The following IL1RL1 variants were observed in gnomAD, a reference collection of about 807,000 sequenced individuals.
The protein encoded by IL1RL1 is interleukin 1 receptor like 1, also known as interleukin-1 receptor-like 1.
A neutral mutation model predicts 50.9 loss-of-function variants in IL1RL1; 32 were observed. The ratio of observed to expected loss-of-function variants is 0.63; its 90% CI spans 0.47 to 0.84. IL1RL1 has a LOEUF of 0.84. Ranked by LOEUF, IL1RL1 falls within the 40% of genes least tolerant of loss-of-function variation. The pLI, the probability that IL1RL1 is intolerant of heterozygous loss-of-function variation, is 0.00. For synonymous variants in IL1RL1, 275 were observed against 236.0 expected (o/e 1.17, Z -1.51); for missense variants, 773 against 662.9 (o/e 1.17, Z -1.82).
intron 8 of IL1RL1, chr2:102,345,484 A>G (rs913433214): frequency 5.5e-5 from 54 of 985,326 alleles, no homozygotes; most frequent in Non-Finnish European, 5.9e-5. Flanking sequence ...AAATAGCCAA[A>G]GAGTGTTAAA....
intron 10 of IL1RL1, among the ~76,000 whole-genome samples, chr2:102,351,111 G>T (rs1032427448): frequency 6.6e-6 from 1 of 152,304 alleles, no homozygotes; most frequent in East Asian, 1.9e-4. Flanking sequence ...GAGGGGCAAA[G>T]CTTCCTGAGT....
At chr2:102,323,273 A>ATATATATATATATAGT (rs1303334375) in intron 1 of IL1RL1, among the ~76,000 whole-genome samples, 19 of 48,496 alleles carry the variant, frequency 3.9e-4, no homozygotes, top group Non-Finnish European at 6.6e-4. Context: ...ATATATATAT[A>ATATATATATATATAGT]GTGTGTGTGT....
chr2:102,340,152 A>G lies in IL1RL1; in HGVS notation c.327A>G (p.Ser109=). The change falls in exon 4 of 11, where the codon TCA becomes TCG. Residue 109 remains serine (S), a synonymous_variant. Transcript: ENST00000233954. ...ATGTCACCATATATAAAAAACAATC[A>G]GATTGCAATGTTCCAGATTATTTGA... ...YANVTIYKKQ[S]DCNVPDYLMY... 1 of 1,588,612 alleles carries G rather than the reference A, an allele frequency of 6.3e-7. No homozygotes were observed. Among genetic ancestry groups the G allele is most frequent in the South Asian group, 1.1e-5 (1 of 87,422 alleles).
chr2:102,326,020 T>C (rs1400012960), intron 1 of IL1RL1, among the ~76,000 whole-genome samples: 1 of 152,044 alleles, frequency 6.6e-6, no homozygotes, highest in African/African-American at 2.4e-5. Context: ...AGATACTCCT[T>C]GAGAAGAGCA....
intron 1 of IL1RL1, among the ~76,000 whole-genome samples, chr2:102,336,316 C>G (rs1335880890): frequency 6.6e-6 from 1 of 152,130 alleles, no homozygotes; most frequent in African/African-American, 2.4e-5. Flanking sequence ...AAATGGGCAT[C>G]ATAATAATAG....
intron 1 of IL1RL1, among the ~76,000 whole-genome samples, chr2:102,319,780 C>T (rs1341589044): frequency 6.6e-6 from 1 of 152,134 alleles, no homozygotes; most frequent in Non-Finnish European, 1.5e-5. Context: ...CCTTGACCTC[C>T]CAGGCTCAAG....
intron 1 of IL1RL1, among the ~76,000 whole-genome samples, chr2:102,326,690 C>T (rs1192286697): frequency 7.2e-5 from 11 of 151,748 alleles, no homozygotes; most frequent in Non-Finnish European, 1.6e-4. Flanking sequence ...AAAAAAAAGG[C>T]AGGGGTTGCA....
chr2:102,344,770 C>T (rs1033955733), intron 8 of IL1RL1: 1 of 933,340 alleles, frequency 1.1e-6, no homozygotes, highest in Non-Finnish European at 1.3e-6. Flanking sequence ...ACTTCTCTAG[C>T]TATAAGTCTT....
intron 1 of IL1RL1, among the ~76,000 whole-genome samples, chr2:102,329,287 T>C (rs1408450357): frequency 6.6e-6 from 1 of 152,224 alleles, no homozygotes; most frequent in African/African-American, 2.4e-5. Context: ...GCTAGCCATA[T>C]GTAGAAAGCT....
rs1473448841 is a variant in IL1RL1 at position 102,343,393 on chromosome 2, A to G, written c.948A>G (p.Val316=). The G allele has an allele frequency of 1.2e-6, 2 of 1,614,110 alleles. No individual in the cohort carries two copies. The highest frequency in any genetic ancestry group is 2.7e-5 in the African/African-American group (2 of 74,934). ...TGCATGGCTTGAGAAGGCACACCGTAAGACTAAGTAGGAAAAATCCAAGTA... is the reference window on the plus strand; with the variant it reads ...TGCATGGCTTGAGAAGGCACACCGTGAGACTAAGTAGGAAAAATCCAAGTA... ...LNLHGLRRHT[V]RLSRKNPIDH... The change falls in exon 8 of 11, where the codon GTA becomes GTG. Residue 316 remains valine (V), a synonymous_variant. Coordinates refer to ENST00000233954, the MANE Select transcript of IL1RL1 (RefSeq NM_016232.5).
At chr2:102,323,279 T>TATATATATATATATATATATA (rs1559596441) in intron 1 of IL1RL1, among the ~76,000 whole-genome samples, 3 of 38,010 alleles carry the variant, frequency 7.9e-5, no homozygotes, top group African/African-American at 2.6e-4. Flanking sequence ...ATATAGTGTG[T>TATATATATATATATATATATA]GTGTGTGTGT....
chr2:102,349,072 T>G lies in IL1RL1; in HGVS notation c.1118-7T>G, dbSNP rs1677861507. 6.2e-7 allele frequency: 1 copy of G among 1,610,664 alleles called. No individual in the cohort carries two copies. Among genetic ancestry groups the G allele is most frequent in the Non-Finnish European group, 8.5e-7 (1 of 1,177,366 alleles). ...TAAGAAGTTGTACTTCTTGTTTTCATTTTCAGATGGAAAGCTCTATGATGC... is the reference window on the plus strand; with the variant it reads ...TAAGAAGTTGTACTTCTTGTTTTCAGTTTCAGATGGAAAGCTCTATGATGC... On this transcript the variant is annotated splice_region_variant and splice_polypyrimidine_tract_variant and intron_variant, in intron 9 of 10. Transcript: ENST00000233954.
rs1182694085 is a variant in IL1RL1 at position 102,332,683 on chromosome 2, T to C, written c.-149-5433T>C. Among the ~76,000 whole-genome samples the C allele has an allele frequency of 2.6e-5, 4 of 152,266 alleles. No homozygotes were observed. In the East Asian group the frequency reaches 7.7e-4, roughly 29 times the overall value. ...AGGAAGAATGGGGACTTCATGTTAA[T>C]GGGTATGGGGTTATACTCGGGGATG... is the stretch of plus-strand genomic sequence containing the variant. On this transcript the variant is annotated intron_variant, in intron 1 of 10. Coordinates refer to ENST00000233954, the MANE Select transcript of IL1RL1 (RefSeq NM_016232.5).
chr2:102,333,210 T>C (rs1677222080), intron 1 of IL1RL1, among the ~76,000 whole-genome samples: 2 of 152,074 alleles, frequency 1.3e-5, no homozygotes, highest in South Asian at 4.1e-4. Flanking sequence ...AGGGTACAAG[T>C]GGAAGCAGGG....
At chr2:102,336,689 C>G (rs913900429) in intron 1 of IL1RL1, among the ~76,000 whole-genome samples, 6 of 147,720 alleles carry the variant, frequency 4.1e-5, no homozygotes, top group African/African-American at 1.5e-4. Context: ...AGAAAAGCTC[C>G]TTTTTTTTTT....
At chr2:102,332,340 C>CAAACAAATA (rs1677198840) in intron 1 of IL1RL1, among the ~76,000 whole-genome samples, 2 of 152,238 alleles carry the variant, frequency 1.3e-5, no homozygotes, top group Admixed American at 1.3e-4. Flanking sequence ...GTCAGGAACT[C>CAAACAAATA]AAACAAATAC....
At chr2:102,327,839 G>T (rs1164637969) in intron 1 of IL1RL1, among the ~76,000 whole-genome samples, 5 of 152,094 alleles carry the variant, frequency 3.3e-5, no homozygotes, top group Non-Finnish European at 5.9e-5. Context: ...CCAATAACAG[G>T]CTCTGAAATT....
At position 102,312,041 on chromosome 2, in the gene IL1RL1, AT is replaced by A. The variant is rs1395127991; in HGVS notation, c.-150+420del. Among the ~76,000 whole-genome samples the A allele has an allele frequency of 9.1e-3, 702 of 76,986 alleles. 69 individuals carry two copies. Among genetic ancestry groups the A allele is most frequent in the African/African-American group, 0.037 (671 of 17,906 alleles). The allele number at this position is 76,986 out of a possible 152,430, so 50.5% of individuals were successfully genotyped here. ...ATATAATATATATTATATATTAAATATTATATATATAATATATATAACATTA... is the reference window on the plus strand; with the variant it reads ...ATATAATATATATTATATATTAAATATATATATATAATATATATAACATTA... On this transcript the variant is annotated intron_variant, in intron 1 of 10. Coordinates refer to ENST00000233954, the MANE Select transcript of IL1RL1 (RefSeq NM_016232.5).
chr2:102,345,281 C>G, intron 8 of IL1RL1: 1 of 985,292 alleles, frequency 1.0e-6, no homozygotes, highest in Non-Finnish European at 1.2e-6. Context: ...TGGAAAACAG[C>G]TTTCCAAGCA....
Sources: allele counts gnomAD v4.1 joint callset (sites outside exome capture counted in the v4.1 genomes callset), GRCh38; gene constraint gnomAD v4.1.1; transcripts MANE v1.5; gene names NCBI Gene and HGNC (gene_info 2026-07-23, HGNC 2026-07-21).